Variants in ZPBP observed in about 807,000 individuals in gnomAD.
ZPBP encodes zona pellucida-binding protein 1.
ZPBP carries 26 observed loss-of-function variants against 44.8 expected under a neutral mutation model. That is an observed-to-expected ratio of 0.58 (90% CI 0.43 to 0.81). ZPBP has a LOEUF of 0.81. Among genes scored for constraint, ZPBP ranks in the 30% least tolerant of loss-of-function variants. The probability of loss-of-function intolerance (pLI) is 0.00; values close to 1 mark genes in which losing one functional copy is unlikely to be tolerated. For synonymous variants in ZPBP, 174 were observed against 153.2 expected, an observed-to-expected ratio of 1.14 and a Z score of -1.00; for missense variants, 409 against 434.0, an observed-to-expected ratio of 0.94 and a Z score of 0.51.
At chr7:49,861,087 T>C (rs772902505) in intron 2 of ZPBP, among the ~76,000 whole-genome samples, 6 of 152,232 alleles carry the variant, frequency 3.9e-5, no homozygotes, top group Non-Finnish European at 8.8e-5. Flanking sequence ...GTCTGCACAG[T>C]TTTACATTCC....
At chr7:50,073,625 G>T (rs914744081) in intron 3 of ZPBP, among the ~76,000 whole-genome samples, 2 of 151,886 alleles carry the variant, frequency 1.3e-5, no homozygotes, top group African/African-American at 4.8e-5. Context: ...ACTCCCTAAG[G>T]TAAAGGTTAA....
intron 2 of ZPBP, 95 bp downstream of exon 2, chr7:50,089,534 G>C (rs1802841782): frequency 2.1e-6 from 2 of 942,394 alleles, no homozygotes; most frequent in Admixed American, 4.3e-5. Context: ...AGGAGACTAG[G>C]ATAAATGAAG....
chr7:50,071,232 T>C lies in ZPBP; in HGVS notation c.334+10542A>G, dbSNP rs1584170708. Among the ~76,000 whole-genome samples the C allele has an allele frequency of 2.0e-5, 3 of 152,240 alleles. No homozygotes were observed. In the South Asian group the frequency reaches 6.2e-4, roughly 32 times the overall value. Reference sequence around the variant, plus strand: ...GGAGAACACAGCAATTGTGAGGTATTGAGCTCAGAGCTGTCCTGTTAGAGC... The same window carrying C: ...GGAGAACACAGCAATTGTGAGGTATCGAGCTCAGAGCTGTCCTGTTAGAGC... On this transcript the variant is annotated intron_variant, in intron 3 of 7. Transcript: ENST00000046087.
chr7:49,970,263 A>G (rs1042690335), intron 7 of ZPBP, among the ~76,000 whole-genome samples: 12 of 152,194 alleles, frequency 7.9e-5, no homozygotes, highest in South Asian at 4.1e-4. Flanking sequence ...ACAGAGAATC[A>G]AAATATATGA....
intron 7 of ZPBP, among the ~76,000 whole-genome samples, chr7:49,981,292 A>T (rs1796864811): frequency 1.2e-5 from 1 of 80,708 alleles, no homozygotes; most frequent in Non-Finnish European, 2.2e-5. Flanking sequence ...ATTATATAAT[A>T]TATATTATAT....
rs145369700 is a variant in ZPBP, at chr7:50,012,597, TA to T, written c.783+5642del. ...GATCAGAAAAAATATTTGAAAAATG[TA>T]ACACCCATTTGTAATGTAATCTCCC... is the stretch of plus-strand genomic sequence containing the variant. On this transcript the variant is annotated intron_variant, in intron 6 of 7. Coordinates refer to ENST00000046087, the MANE Select transcript of ZPBP (RefSeq NM_007009.3). 7.6e-3 allele frequency among the ~76,000 whole-genome samples: 1,150 copies of T among 151,094 alleles called. 24 individuals are homozygous for T. The highest frequency in any genetic ancestry group is 0.026 in the African/African-American group (1,089 of 41,152).
intron 2 of ZPBP, among the ~76,000 whole-genome samples, chr7:49,856,797 C>G (rs1790434953): frequency 6.6e-6 from 1 of 151,930 alleles, no homozygotes; most frequent in Non-Finnish European, 1.5e-5. Context: ...ATCACGAGGT[C>G]AGGAGATCGA....
chr7:49,980,081 A>T (rs1445462023), intron 7 of ZPBP, among the ~76,000 whole-genome samples: 4 of 98,724 alleles, frequency 4.1e-5, no homozygotes, highest in Non-Finnish European at 5.4e-5. Flanking sequence ...AATATATATA[A>T]TATAATTTTA....
At chr7:50,011,348 C>A (rs983176563) in intron 6 of ZPBP, among the ~76,000 whole-genome samples, 1 of 152,010 alleles carries the variant, frequency 6.6e-6, no homozygotes, top group African/African-American at 2.4e-5. Flanking sequence ...GCAACAAAAA[C>A]AAAGATAAAC....
At chr7:50,025,651 A>G (rs1457100365) in intron 5 of ZPBP, among the ~76,000 whole-genome samples, 18 of 151,852 alleles carry the variant, frequency 1.2e-4, no homozygotes, top group Admixed American at 1.2e-3. Context: ...ACATCTTTGT[A>G]AAATACACAA....
intron 2 of ZPBP, among the ~76,000 whole-genome samples, chr7:49,890,193 C>G (rs925838826): frequency 6.6e-6 from 1 of 152,078 alleles, no homozygotes; most frequent in African/African-American, 2.4e-5. Flanking sequence ...GCATAAGTAG[C>G]AAAAAGACAA....
chr7:49,920,962 GAAT>G (rs1793992496), intron 1 of ZPBP: 1 of 152,162 alleles, frequency 6.6e-6, no homozygotes, highest in Non-Finnish European at 1.5e-5. Flanking sequence ...TATAGACTGA[GAAT>G]AATGATATGC....
Position 50,068,438 on chromosome 7 carries a change from T to C in ZPBP, c.335-10297A>G, listed in dbSNP as rs1156684798. On this transcript the variant is annotated intron_variant, in intron 3 of 7. Coordinates refer to ENST00000046087, the MANE Select transcript of ZPBP (RefSeq NM_007009.3). ...AGTAGCCCTTGGCCAGTGTTTTTTTTTTTTTTCATACTATGGCCCTGACAT... is the reference window on the plus strand; with the variant it reads ...AGTAGCCCTTGGCCAGTGTTTTTTTCTTTTTTCATACTATGGCCCTGACAT... Among the ~76,000 whole-genome samples, 4 of 152,078 alleles carry C rather than the reference T, an allele frequency of 2.6e-5. No individual in the cohort carries two copies. The East Asian group carries it at 7.7e-4, about 29-fold the overall frequency.
chr7:50,059,923 A>G (rs138653794), intron 3 of ZPBP, among the ~76,000 whole-genome samples: 104 of 152,248 alleles, frequency 6.8e-4, no homozygotes, highest in Middle Eastern at 3.4e-3. Context: ...CCACCAAGAG[A>G]TAAGACCATC....
intron 6 of ZPBP, among the ~76,000 whole-genome samples, chr7:50,005,864 T>C (rs932143975): frequency 2.1e-5 from 3 of 143,512 alleles, no homozygotes; most frequent in African/African-American, 7.5e-5. Context: ...TGTGTGTGTG[T>C]GTGTTTTGCC....
chr7:49,901,523 G>A (rs1171756500), intron 1 of ZPBP, among the ~76,000 whole-genome samples: 2 of 151,490 alleles, frequency 1.3e-5, no homozygotes, highest in Non-Finnish European at 3.0e-5. Context: ...TCTATATGAG[G>A]AAAAATATAA....
intron 1 of ZPBP, chr7:49,912,273 G>T: frequency 2.9e-6 from 4 of 1,378,090 alleles, no homozygotes; most frequent in Non-Finnish European, 3.9e-6. Flanking sequence ...ATCAGTCAAA[G>T]AAGACTTTTG....
chr7:50,074,512 G>A (rs1156596368), intron 3 of ZPBP, among the ~76,000 whole-genome samples: 1 of 151,868 alleles, frequency 6.6e-6, no homozygotes, highest in Non-Finnish European at 1.5e-5. Context: ...CTGATCTACT[G>A]CCTATAAGAA....
intron 1 of ZPBP, among the ~76,000 whole-genome samples, chr7:49,909,646 G>C (rs1343639071): frequency 6.6e-6 from 1 of 152,158 alleles, no homozygotes; most frequent in African/African-American, 2.4e-5. Flanking sequence ...AGGTAATGCA[G>C]ATACTGGCCC....
Sources: allele counts gnomAD v4.1 joint callset (sites outside exome capture counted in the v4.1 genomes callset), GRCh38; gene constraint gnomAD v4.1.1; transcripts MANE v1.5; gene names NCBI Gene and HGNC (gene_info 2026-07-23, HGNC 2026-07-21).